The following FHIP1A variants were observed in gnomAD, a reference collection of about 807,000 sequenced individuals.
FHIP1A encodes the protein FHF complex subunit HOOK interacting protein 1A.
In FHIP1A, 61 loss-of-function variants were observed where a neutral mutation model predicts 88.6. That is an observed-to-expected ratio of 0.69 (90% CI 0.56 to 0.85). FHIP1A has a LOEUF of 0.85. Among genes scored for constraint, FHIP1A ranks in the 40% least tolerant of loss-of-function variants. The pLI, the probability that FHIP1A is intolerant of heterozygous loss-of-function variation, is 0.00. For synonymous variants in FHIP1A, 478 were observed against 496.0 expected, an observed-to-expected ratio of 0.96 and a Z score of 0.48; for missense variants, 1,154 against 1,273.5, an observed-to-expected ratio of 0.91 and a Z score of 1.43.
At position 151,650,285 on chromosome 4, in the gene FHIP1A, C is replaced by T. The variant is rs148673143; in HGVS notation, c.2244C>T (p.Ser748=). Residue 748 remains serine, a synonymous_variant, in exon 11 of 14, where the codon AGC becomes AGT. Coordinates refer to ENST00000435205, the MANE Select transcript of FHIP1A (RefSeq NM_001109977.3). The part of the protein sequence containing the change: ...SSNLTAAHPE[S]EELIAQYDQI... ...ACCTGACAGCCGCCCACCCGGAGAG[C>T]GAGGAGCTCATTGCCCAGTATGACC... 3.4e-4 allele frequency: 524 copies of T among 1,551,680 alleles called. 1 individual carries two copies. In the African/African-American group the frequency reaches 5.3e-3, roughly 16 times the overall value.
chr4:151,613,699 T>G (rs1451979127), intron 7 of FHIP1A, among the ~76,000 whole-genome samples: 1 of 152,172 alleles, frequency 6.6e-6, no homozygotes, highest in Non-Finnish European at 1.5e-5. Context: ...GTGATGGTGG[T>G]CCACAGCCTG....
intron 9 of FHIP1A, among the ~76,000 whole-genome samples, chr4:151,645,669 G>T (rs960085963): frequency 6.6e-6 from 1 of 151,356 alleles, no homozygotes. Flanking sequence ...CATATGTGAT[G>T]CTTGGCTCTG....
chr4:151,427,818 A>G (rs2724561), intron 1 of FHIP1A, among the ~76,000 whole-genome samples: 53,391 of 151,946 alleles, frequency 0.35, 9,975 homozygotes, highest in Non-Finnish European at 0.43. Flanking sequence ...GAGTAAAATC[A>G]TTGGCGATGT....
chr4:151,581,109 C>T (rs769177121), intron 5 of FHIP1A, among the ~76,000 whole-genome samples: 50 of 152,158 alleles, frequency 3.3e-4, no homozygotes, highest in Non-Finnish European at 7.1e-4. Flanking sequence ...TCTGCCCGCC[C>T]AGCCTCCCAA....
intron 2 of FHIP1A, among the ~76,000 whole-genome samples, chr4:151,472,273 G>A (rs1313384400): frequency 6.6e-6 from 1 of 151,996 alleles, no homozygotes; most frequent in Non-Finnish European, 1.5e-5. Context: ...TTTCCTGTCA[G>A]CTGGCTTTTA....
intron 2 of FHIP1A, among the ~76,000 whole-genome samples, chr4:151,461,872 A>G (rs892911457): frequency 6.6e-6 from 1 of 152,146 alleles, no homozygotes; most frequent in Admixed American, 6.5e-5. Flanking sequence ...TCTGTAATAT[A>G]TTGAGGGTAG....
intron 3 of FHIP1A, among the ~76,000 whole-genome samples, chr4:151,516,210 C>T (rs1391586476): frequency 1.3e-5 from 2 of 152,150 alleles, no homozygotes; most frequent in Admixed American, 1.3e-4. Flanking sequence ...AAAGGATTCC[C>T]TATTTAATAA....
At chr4:151,604,108 C>T (rs1260671206) in intron 7 of FHIP1A, among the ~76,000 whole-genome samples, 1 of 152,062 alleles carries the variant, frequency 6.6e-6, no homozygotes, top group Non-Finnish European at 1.5e-5. Context: ...AGTCCGTTTT[C>T]TCTGCTTGGA....
intron 2 of FHIP1A, among the ~76,000 whole-genome samples, chr4:151,457,191 G>A (rs1164226423): frequency 6.6e-6 from 1 of 152,146 alleles, no homozygotes; most frequent in Non-Finnish European, 1.5e-5. Context: ...GAAGGTATGT[G>A]TTTCTGAATT....
rs935561862 is a variant in FHIP1A at position 151,665,947 on chromosome 4, G to A, written c.*3193G>A. Among the ~76,000 whole-genome samples the A allele has an allele frequency of 1.2e-4, 19 of 152,174 alleles. No individual in the cohort carries two copies. Among genetic ancestry groups the A allele is most frequent in the Non-Finnish European group, 2.2e-4 (15 of 68,038 alleles). ...GAAACCGTGGGTACCGCCCGCTGGC[G>A]CAGCCCCTGAGCTGGCGTCACTGCG... On this transcript the variant is annotated 3_prime_UTR_variant, in exon 14 of 14. Coordinates refer to ENST00000435205, the MANE Select transcript of FHIP1A (RefSeq NM_001109977.3).
chr4:151,669,618 G>A lies in FHIP1A; in HGVS notation c.*6864G>A, dbSNP rs1442161666. 6.6e-6 allele frequency among the ~76,000 whole-genome samples: 1 copy of A among 152,284 alleles called. No homozygotes were observed. The highest frequency in any genetic ancestry group is 6.5e-5 in the Admixed American group (1 of 15,310). On this transcript the variant is annotated 3_prime_UTR_variant, in exon 14 of 14. Transcript: ENST00000435205. The stretch of plus-strand genomic sequence containing the variant: ...GTAATTCAGACTTGCAGAGTGAGGA[G>A]AGAACTGCTTCAGCCTTACTGTCTT...
At chr4:151,569,917 G>C (rs1386345220) in intron 4 of FHIP1A, among the ~76,000 whole-genome samples, 1 of 152,198 alleles carries the variant, frequency 6.6e-6, no homozygotes, top group Non-Finnish European at 1.5e-5. Context: ...AATCATTCTA[G>C]AGTAGACTTT....
At chr4:151,566,790 A>G (rs1733405202) in intron 4 of FHIP1A, among the ~76,000 whole-genome samples, 1 of 152,158 alleles carries the variant, frequency 6.6e-6, no homozygotes, top group South Asian at 2.1e-4. Flanking sequence ...CAAATGCCTT[A>G]TGTCATTTAA....
intron 1 of FHIP1A, among the ~76,000 whole-genome samples, chr4:151,435,266 C>T (rs1046120578): frequency 6.6e-6 from 1 of 152,114 alleles, no homozygotes; most frequent in African/African-American, 2.4e-5. Context: ...TCTTCATTCT[C>T]TCCTCCCTCC....
At chr4:151,506,578 G>A (rs1194756007) in intron 3 of FHIP1A, among the ~76,000 whole-genome samples, 4 of 152,142 alleles carry the variant, frequency 2.6e-5, no homozygotes, top group Non-Finnish European at 5.9e-5. Context: ...CACATGGTAA[G>A]AGAGCAGAAG....
intron 3 of FHIP1A, among the ~76,000 whole-genome samples, chr4:151,487,461 C>T (rs1463301509): frequency 6.6e-6 from 1 of 152,024 alleles, no homozygotes; most frequent in East Asian, 1.9e-4. Context: ...CCTTAGCGTC[C>T]ACTTTATAAA....
At chr4:151,604,276 C>T (rs1257395880) in intron 7 of FHIP1A, among the ~76,000 whole-genome samples, 3 of 152,016 alleles carry the variant, frequency 2.0e-5, no homozygotes, top group Non-Finnish European at 4.4e-5. Flanking sequence ...ATTCTGAGCA[C>T]GTGCTCCTTT....
intron 1 of FHIP1A, among the ~76,000 whole-genome samples, chr4:151,423,562 T>C (rs2126525777): frequency 6.6e-6 from 1 of 152,334 alleles, no homozygotes. Flanking sequence ...TTGATTAACC[T>C]TAGCTTCCTT....
At chr4:151,426,223 A>G (rs1016884070) in intron 1 of FHIP1A, among the ~76,000 whole-genome samples, 7 of 152,176 alleles carry the variant, frequency 4.6e-5, no homozygotes, top group African/African-American at 1.4e-4. Flanking sequence ...TACTTTGTAT[A>G]TGTTTGAAAA....
Sources: allele counts gnomAD v4.1 joint callset (sites outside exome capture counted in the v4.1 genomes callset), GRCh38; gene constraint gnomAD v4.1.1; transcripts MANE v1.5; gene names NCBI Gene and HGNC (gene_info 2026-07-23, HGNC 2026-07-21).